CDH18: variants seen among roughly 807,000 people sequenced by gnomAD.
CDH18 encodes the protein cadherin 18.
Under a neutral mutation model 67.9 loss-of-function variants are expected in CDH18, and 31 were observed. That is an observed-to-expected ratio of 0.46 (90% CI 0.34 to 0.62). The LOEUF is 0.62. CDH18 is among the 20% of genes least tolerant of loss of function. The pLI, the probability that CDH18 is intolerant of heterozygous loss-of-function variation, is 0.01. For missense variants in CDH18, 890 were observed against 975.5 expected, an observed-to-expected ratio of 0.91 and a Z score of 1.17; for synonymous variants, 362 against 347.2, an observed-to-expected ratio of 1.04 and a Z score of -0.48.
chr5:19,716,774 T>C (rs1290488375), intron 5 of CDH18, among the ~76,000 whole-genome samples: 1 of 152,074 alleles, frequency 6.6e-6, no homozygotes, highest in Non-Finnish European at 1.5e-5. Context: ...TAAATAAAGA[T>C]AGCCTGTCTG....
intron 4 of CDH18, among the ~76,000 whole-genome samples, chr5:19,737,269 T>C (rs1340439670): frequency 1.3e-5 from 2 of 152,164 alleles, no homozygotes; most frequent in African/African-American, 2.4e-5. Flanking sequence ...CTATACCCAA[T>C]TGCTGTATCT....
intron 6 of CDH18, among the ~76,000 whole-genome samples, chr5:19,597,639 C>T (rs1746387653): frequency 6.6e-6 from 1 of 152,020 alleles, no homozygotes; most frequent in African/African-American, 2.4e-5. Flanking sequence ...TCATGAAACA[C>T]ACACGTATGC....
At chr5:19,681,175 A>G (rs577857222) in intron 5 of CDH18, among the ~76,000 whole-genome samples, 55 of 152,132 alleles carry the variant, frequency 3.6e-4, no homozygotes, top group Middle Eastern at 3.4e-3. Flanking sequence ...AAAACCAAAT[A>G]CTGCATTTTC....
At chr5:19,511,456 G>T (rs1293252029) in intron 10 of CDH18, among the ~76,000 whole-genome samples, 1 of 152,134 alleles carries the variant, frequency 6.6e-6, no homozygotes, top group Admixed American at 6.5e-5. Context: ...ACAGGAAGAC[G>T]TGGGAAGGTT....
In CDH18 at chr5:20,501,918, A is replaced by ACG. The variant is rs1491434523; in HGVS notation, c.-580+73543_-580+73544insCG. Among the ~76,000 whole-genome samples, 355 of 149,004 alleles carry ACG rather than the reference A, an allele frequency of 2.4e-3. 30 individuals are homozygous for ACG. Among genetic ancestry groups the ACG allele is most frequent in the South Asian group, 6.6e-3 (31 of 4,668 alleles). On this transcript the variant is annotated intron_variant, in intron 1 of 14. Coordinates refer to the CDH18 transcript ENST00000507958. ...TACACACACACACACACACACACAC[A>ACG]TTTTATTATTTCAAGAAAACAGCAA...
Position 20,157,158 on chromosome 5 carries a change from C to T in CDH18, c.-518+98286G>A, listed in dbSNP as rs192216571. On this transcript the variant is annotated intron_variant, in intron 2 of 14. Coordinates refer to the CDH18 transcript ENST00000507958. ...TTATTGTGAAACTCAGAATGGTATACGATTTAAAGTTTATAAATTGTATAT... is the reference window on the plus strand; with the variant it reads ...TTATTGTGAAACTCAGAATGGTATATGATTTAAAGTTTATAAATTGTATAT... Among the ~76,000 whole-genome samples, 403 of 152,136 alleles carry T rather than the reference C, an allele frequency of 2.6e-3. 1 individual carries two copies. Among genetic ancestry groups the T allele is most frequent in the African/African-American group, 9.0e-3 (373 of 41,530 alleles).
intron 1 of CDH18, among the ~76,000 whole-genome samples, chr5:20,415,154 G>C (rs919135038): frequency 1.3e-5 from 2 of 152,144 alleles, no homozygotes; most frequent in African/African-American, 4.8e-5. Flanking sequence ...GGGAGGCTGA[G>C]GCGGGTGGAT....
chr5:19,852,828 C>G (rs1197401662), intron 2 of CDH18, among the ~76,000 whole-genome samples: 6 of 152,034 alleles, frequency 3.9e-5, no homozygotes, highest in Non-Finnish European at 8.8e-5. Context: ...TTTGGCCAAA[C>G]AGAACACATG....
intron 5 of CDH18, among the ~76,000 whole-genome samples, chr5:19,682,956 G>A (rs1760546794): frequency 6.6e-6 from 1 of 151,910 alleles, no homozygotes; most frequent in Non-Finnish European, 1.5e-5. Context: ...TTTTATACAT[G>A]TATTATTCAT....
intron 2 of CDH18, among the ~76,000 whole-genome samples, chr5:20,189,483 T>C (rs1242198115): frequency 6.6e-6 from 1 of 152,152 alleles, no homozygotes; most frequent in East Asian, 1.9e-4. Context: ...TGATTTCATA[T>C]ATTACATAAA....
At chr5:19,562,016 C>G (rs1032457993) in intron 8 of CDH18, among the ~76,000 whole-genome samples, 3 of 152,124 alleles carry the variant, frequency 2.0e-5, no homozygotes, top group Admixed American at 1.3e-4. Flanking sequence ...TCTGTCTCTA[C>G]TGGATTTGCA....
intron 2 of CDH18, among the ~76,000 whole-genome samples, chr5:20,209,648 T>C (rs1436231778): frequency 6.6e-6 from 1 of 151,832 alleles, no homozygotes; most frequent in African/African-American, 2.4e-5. Flanking sequence ...AAATATATAA[T>C]TAGATAAAAG....
intron 2 of CDH18, among the ~76,000 whole-genome samples, chr5:20,079,033 A>G (rs1362589604): frequency 2.0e-5 from 3 of 152,238 alleles, no homozygotes; most frequent in African/African-American, 7.2e-5. Context: ...TAAGTAGTAT[A>G]GTATATCCAT....
intron 2 of CDH18, among the ~76,000 whole-genome samples, chr5:20,195,726 A>G (rs972730505): frequency 2.6e-5 from 4 of 152,132 alleles, no homozygotes; most frequent in Admixed American, 6.6e-5. Flanking sequence ...TTATAAATAT[A>G]TAGATTGCAA....
At chr5:20,155,942 C>G (rs1751490291) in intron 2 of CDH18, among the ~76,000 whole-genome samples, 1 of 151,760 alleles carries the variant, frequency 6.6e-6, no homozygotes, top group African/African-American at 2.4e-5. Flanking sequence ...TATCTATTTT[C>G]CAAGAAGATA....
intron 2 of CDH18, among the ~76,000 whole-genome samples, chr5:20,085,852 T>C (rs572147268): frequency 1.8e-4 from 27 of 152,276 alleles, no homozygotes; most frequent in Admixed American, 4.6e-4. Context: ...AAGATGAGAT[T>C]TGGGTGGAGA....
chr5:20,033,056 C>T (rs1734514111), intron 2 of CDH18, among the ~76,000 whole-genome samples: 1 of 151,936 alleles, frequency 6.6e-6, no homozygotes, highest in South Asian at 2.1e-4. Context: ...ATTTTCCTTG[C>T]ATGTGACCTT....
At chr5:20,181,923 T>C (rs1737713205) in intron 2 of CDH18, among the ~76,000 whole-genome samples, 1 of 152,092 alleles carries the variant, frequency 6.6e-6, no homozygotes, top group African/African-American at 2.4e-5. Context: ...GGCTTCAAAG[T>C]GTATTCTTTC....
chr5:19,832,969 C>T (rs1433293754), intron 3 of CDH18, among the ~76,000 whole-genome samples: 1 of 152,072 alleles, frequency 6.6e-6, no homozygotes, highest in African/African-American at 2.4e-5. Context: ...ATGCCTCTAG[C>T]TTTGTTCTTT....
Sources: allele counts gnomAD v4.1 joint callset (sites outside exome capture counted in the v4.1 genomes callset), GRCh38; gene constraint gnomAD v4.1.1; transcripts MANE v1.5; gene names NCBI Gene and HGNC (gene_info 2026-07-23, HGNC 2026-07-21).